The following ARHGEF12 variants were observed in gnomAD, a reference collection of about 807,000 sequenced individuals.
ARHGEF12 encodes the protein KMT2A/ARHGEF12 fusion protein.
ARHGEF12 carries 66 observed loss-of-function variants against 211.2 expected under a neutral mutation model. The observed-to-expected ratio is 0.31, with a 90% CI of 0.26 to 0.38. The LOEUF (loss-of-function observed/expected upper bound fraction) is 0.38. Among genes scored for constraint, ARHGEF12 ranks in the 10% least tolerant of loss-of-function variants. ARHGEF12 has a pLI of 1.00. For missense variants in ARHGEF12, 1,429 were observed against 1,869.5 expected (o/e 0.76, Z 4.34); for synonymous variants, 592 against 638.4 (o/e 0.93, Z 1.09).
rs985742784 is a variant in ARHGEF12, at chr11:120,489,820, TAGATAC to T, written c.*4757_*4762del. 25 of 187,294 alleles carry T rather than the reference TAGATAC, an allele frequency of 1.3e-4. No individual in the cohort carries two copies. The highest frequency in any genetic ancestry group is 4.0e-4 in the African/African-American group (17 of 42,840). The allele number at this position is 187,294 out of a possible 1,614,324, so 11.6% of individuals were successfully genotyped here. A position where few individuals can be genotyped will look rare whatever the true frequency, so the allele number is the denominator to read the frequency against. ...AAACATATATCTATATCTATATATA[TAGATAC>T]AGATACAGATACATATCTGGTGGAA... On this transcript the variant is annotated 3_prime_UTR_variant, in exon 41 of 41. Coordinates refer to ENST00000397843, the MANE Select transcript of ARHGEF12 (RefSeq NM_015313.3).
chr11:120,351,435 ATATATATATATATATATATATTTTTTT>A (rs1172759607), intron 1 of ARHGEF12, among the ~76,000 whole-genome samples: 2 of 3,122 alleles, frequency 6.4e-4, no homozygotes, highest in Non-Finnish European at 1.0e-3. Context: ...ATATATATAT[ATATATATATATATATATATATTTTTTT>A]TTTTTTTTTT....
At chr11:120,465,926 C>T (rs1477061365) in intron 28 of ARHGEF12, among the ~76,000 whole-genome samples, 3 of 152,276 alleles carry the variant, frequency 2.0e-5, no homozygotes, top group African/African-American at 4.8e-5. Flanking sequence ...CAACCGTATG[C>T]TCTATTAAGA....
chr11:120,453,987 A>G lies in ARHGEF12; in HGVS notation c.2056+2263A>G, dbSNP rs12294303. 6.3e-3 allele frequency among the ~76,000 whole-genome samples: 962 copies of G among 152,352 alleles called. 8 individuals are homozygous for G. Among genetic ancestry groups the G allele is most frequent in the African/African-American group, 0.022 (911 of 41,580 alleles). On this transcript the variant is annotated intron_variant, in intron 22 of 40. Transcript: ENST00000397843. ...GAGCAGTCTCTGTCACTTGTAGACT[A>G]GAAGAAAAAAACAGTGCTCTTTTTT...
At chr11:120,345,856 G>A (rs1182845938) in intron 1 of ARHGEF12, among the ~76,000 whole-genome samples, 1 of 151,980 alleles carries the variant, frequency 6.6e-6, no homozygotes, top group Non-Finnish European at 1.5e-5. Context: ...AGTTCTTCAA[G>A]GGTATAAGAA....
At chr11:120,403,798 A>G (rs1944614209) in intron 1 of ARHGEF12, among the ~76,000 whole-genome samples, 1 of 152,210 alleles carries the variant, frequency 6.6e-6, no homozygotes, top group South Asian at 2.1e-4. Context: ...TATCGATCCA[A>G]AAGATATTGT....
intron 27 of ARHGEF12, chr11:120,464,248 A>C (rs1046021861): frequency 1.3e-5 from 2 of 152,126 alleles, no homozygotes; most frequent in African/African-American, 4.8e-5. Context: ...CAGAGTAGTA[A>C]GACAGTAGTT....
Position 120,486,770 on chromosome 11 carries a change from C to T in ARHGEF12, c.*1693C>T, listed in dbSNP as rs543353918. 4.6e-6 allele frequency: 1 copy of T among 218,302 alleles called. No individual in the cohort carries two copies. Among genetic ancestry groups the T allele is most frequent in the African/African-American group, 2.2e-5 (1 of 44,688 alleles). 13.5% of individuals were successfully genotyped at this position (218,302 alleles called of 1,614,324 possible). On this transcript the variant is annotated 3_prime_UTR_variant, in exon 41 of 41. Transcript: ENST00000397843. The stretch of plus-strand genomic sequence containing the variant: ...CCACCTACTTTTATAAACACCACTG[C>T]AACTTAACAAGTTTATTTATCTATG...
chr11:120,354,582 G>A (rs968615849), intron 1 of ARHGEF12, among the ~76,000 whole-genome samples: 2 of 152,202 alleles, frequency 1.3e-5, no homozygotes, highest in African/African-American at 4.8e-5. Flanking sequence ...AATTGCTTAA[G>A]AGATATTTAG....
intron 1 of ARHGEF12, among the ~76,000 whole-genome samples, chr11:120,392,363 G>A (rs1347120547): frequency 2.0e-5 from 3 of 152,086 alleles, no homozygotes; most frequent in East Asian, 1.9e-4. Context: ...CACTTACCAC[G>A]ATTTGAAATT....
At chr11:120,448,139 T>G (rs1293776969) in intron 19 of ARHGEF12, 95 bp from the exon 20 acceptor site, 1 of 963,904 alleles carries the variant, frequency 1.0e-6, no homozygotes, top group Non-Finnish European at 1.6e-6. Flanking sequence ...ATTTCAATAA[T>G]TCCAACCTTG....
At chr11:120,349,138 C>A (rs1942857445) in intron 1 of ARHGEF12, among the ~76,000 whole-genome samples, 1 of 152,174 alleles carries the variant, frequency 6.6e-6, no homozygotes, top group Non-Finnish European at 1.5e-5. Context: ...ATAGTAGTTA[C>A]TGTATTTACC....
At chr11:120,482,118 G>A (rs1405277658) in intron 39 of ARHGEF12, among the ~76,000 whole-genome samples, 3 of 152,182 alleles carry the variant, frequency 2.0e-5, no homozygotes, top group Non-Finnish European at 4.4e-5. Flanking sequence ...TGTGAACTGT[G>A]TGTTTGTATG....
chr11:120,345,257 C>T (rs1321787645), intron 1 of ARHGEF12, among the ~76,000 whole-genome samples: 1 of 152,170 alleles, frequency 6.6e-6, no homozygotes, highest in Admixed American at 6.5e-5. Context: ...CTCCCTTGAA[C>T]AACTGTAACT....
At chr11:120,374,735 T>TA (rs1565437269) in intron 1 of ARHGEF12, among the ~76,000 whole-genome samples, 1 of 152,220 alleles carries the variant, frequency 6.6e-6, no homozygotes, top group Non-Finnish European at 1.5e-5. Context: ...TAAATATTTT[T>TA]AAAAAACTTT....
rs79820276 is a variant in ARHGEF12, at chr11:120,486,123, A to G, written c.*1046A>G. 0.048 allele frequency: 11,227 copies of G among 233,536 alleles called. 362 individuals carry two copies. The highest frequency in any genetic ancestry group is 0.093 in the South Asian group (516 of 5,522). 14.5% of individuals were successfully genotyped at this position (233,536 alleles called of 1,614,324 possible). A position where few individuals can be genotyped will look rare whatever the true frequency, so the allele number is the denominator to read the frequency against. The stretch of plus-strand genomic sequence containing the variant: ...AGTGGGTAAAGAGTTTGGGAAGGTT[A>G]TCTAACTGAATCACTACTGAGTTGA... On this transcript the variant is annotated 3_prime_UTR_variant, in exon 41 of 41. Transcript: ENST00000397843.
chr11:120,363,575 G>A (rs1445852889), intron 1 of ARHGEF12, among the ~76,000 whole-genome samples: 1 of 152,210 alleles, frequency 6.6e-6, no homozygotes, highest in Non-Finnish European at 1.5e-5. Context: ...AACATTAGGT[G>A]ACTAATAATT....
intron 12 of ARHGEF12, chr11:120,438,752 T>G (rs1232743979): frequency 6.6e-6 from 1 of 152,236 alleles, no homozygotes; most frequent in Non-Finnish European, 1.5e-5. Context: ...ATTTTTTTCC[T>G]ATTTCTTCCA....
chr11:120,355,210 A>G (rs1230519225), intron 1 of ARHGEF12, among the ~76,000 whole-genome samples: 2 of 152,168 alleles, frequency 1.3e-5, no homozygotes, highest in Admixed American at 1.3e-4. Context: ...GTTTTCCCAT[A>G]TTTATTTTTT....
chr11:120,456,352 CAT>C (rs1210240667), intron 22 of ARHGEF12, among the ~76,000 whole-genome samples: 2 of 152,108 alleles, frequency 1.3e-5, no homozygotes, highest in African/African-American at 4.8e-5. Context: ...AGAACAAAAA[CAT>C]AGACATGTCA....
Sources: gnomAD v4.1 joint callset for allele counts (sites outside exome capture counted in the v4.1 genomes callset) on GRCh38, gnomAD v4.1.1 for gene constraint, MANE v1.5 for transcripts, NCBI Gene and HGNC (gene_info 2026-07-23, HGNC 2026-07-21) for gene names.